The following TNIK variants were observed in gnomAD, a reference collection of about 807,000 sequenced individuals.
The protein encoded by TNIK is TRAF2 and NCK-interacting protein kinase.
TNIK carries 49 observed loss-of-function variants against 191.3 expected under a neutral mutation model. The observed-to-expected ratio is 0.26, with a 90% CI of 0.20 to 0.32. TNIK has a LOEUF of 0.32. Among genes scored for constraint, TNIK ranks in the 10% least tolerant of loss-of-function variants. The pLI is 1.00. For missense variants in TNIK, 1,155 were observed against 1,702.3 expected (o/e 0.68, Z 5.66); for synonymous variants, 594 against 600.9 (o/e 0.99, Z 0.17).
At chr3:171,098,844 A>G (rs910890135) in intron 22 of TNIK, among the ~76,000 whole-genome samples, 9 of 152,356 alleles carry the variant, frequency 5.9e-5, no homozygotes, top group East Asian at 5.8e-4. Flanking sequence ...GCATGCAATC[A>G]TCACATTGTA....
chr3:171,060,141 C>A lies in TNIK; in HGVS notation c.*3740G>T, dbSNP rs1037300538. ...CACACTGTTAACACAAAGAGCTCTTCCACGTTTCAAGAATACAGTGACGGG... is the reference window on the plus strand; with the variant it reads ...CACACTGTTAACACAAAGAGCTCTTACACGTTTCAAGAATACAGTGACGGG... On this transcript the variant is annotated 3_prime_UTR_variant, in exon 33 of 33. Transcript: ENST00000436636. 2.5e-3 allele frequency among the ~76,000 whole-genome samples: 387 copies of A among 152,282 alleles called. 5 individuals carry two copies. The highest frequency in any genetic ancestry group is 5.6e-4 in the Non-Finnish European group (38 of 68,018).
At chr3:171,194,500 G>C (rs1378732920) in intron 5 of TNIK, 25 bp downstream of exon 5, 1 of 1,596,290 alleles carries the variant, frequency 6.3e-7, no homozygotes, top group Non-Finnish European at 8.6e-7. Flanking sequence ...TTTGGGAGGT[G>C]GGCCAGTCCC....
intron 12 of TNIK, among the ~76,000 whole-genome samples, chr3:171,145,836 A>G (rs1251352644): frequency 2.0e-5 from 3 of 151,642 alleles, no homozygotes; most frequent in Non-Finnish European, 4.4e-5. Context: ...ATAAGCAGAA[A>G]AGTACGCACC....
At chr3:171,208,320 C>G (rs762206167) in intron 4 of TNIK, among the ~76,000 whole-genome samples, 4 of 150,432 alleles carry the variant, frequency 2.7e-5, no homozygotes, top group Non-Finnish European at 5.9e-5. Flanking sequence ...GACCCTGTCT[C>G]TAAAAAAAAT....
intron 4 of TNIK, among the ~76,000 whole-genome samples, chr3:171,204,627 T>C (rs1739839064): frequency 6.6e-6 from 1 of 152,210 alleles, no homozygotes; most frequent in Admixed American, 6.5e-5. Context: ...CCAAAGCACC[T>C]AACGCACTTT....
chr3:171,394,057 A>G (rs1177758709), intron 1 of TNIK, among the ~76,000 whole-genome samples: 3 of 152,224 alleles, frequency 2.0e-5, no homozygotes, highest in African/African-American at 7.2e-5. Context: ...TCAAATGAGT[A>G]CAGCCATCTT....
intron 2 of TNIK, among the ~76,000 whole-genome samples, chr3:171,329,099 C>T (rs1268362159): frequency 6.6e-6 from 1 of 152,148 alleles, no homozygotes; most frequent in East Asian, 1.9e-4. Flanking sequence ...TACACACACA[C>T]ACATACACAC....
At chr3:171,100,706 T>TCCAATAAGAAAAAAA (rs1246837567) in intron 22 of TNIK, among the ~76,000 whole-genome samples, 1 of 104,788 alleles carries the variant, frequency 9.5e-6, no homozygotes, top group Non-Finnish European at 1.8e-5. Context: ...CGGGATCCAC[T>TCCAATAAGAAAAAAA]CCAATAAGAA....
chr3:171,087,464 C>G lies in TNIK; in HGVS notation c.2764G>C (p.Gly922Arg). The G allele has an allele frequency of 6.8e-6, 11 of 1,613,926 alleles. No homozygotes were observed. The Middle Eastern group carries it at 1.8e-3, about 267-fold the overall frequency. The change falls in exon 24 of 33, where the codon GGC (glycine) becomes CGC (arginine). Residue 922 changes from glycine (G) to arginine (R), a missense_variant. Coordinates refer to ENST00000436636, the MANE Select transcript of TNIK (RefSeq NM_015028.4). ...KKRSGHSDSN[G>R]FAGHINLPDL... is the part of the protein sequence containing the mutation. Reference sequence around the variant, plus strand: ...GGGAGGTTGATGTGGCCAGCAAAGCCATTGCTGTCACTGTGGCCAGATCGC... The same window carrying G: ...GGGAGGTTGATGTGGCCAGCAAAGCGATTGCTGTCACTGTGGCCAGATCGC...
At chr3:171,308,699 T>C (rs1753712593) in intron 2 of TNIK, among the ~76,000 whole-genome samples, 1 of 151,860 alleles carries the variant, frequency 6.6e-6, no homozygotes. Flanking sequence ...GGGAGCTTAA[T>C]TGAACAAGCA....
At chr3:171,368,993 A>G (rs1716128875) in intron 2 of TNIK, among the ~76,000 whole-genome samples, 1 of 150,638 alleles carries the variant, frequency 6.6e-6, no homozygotes, top group Admixed American at 6.6e-5. Context: ...TCAACCAGCC[A>G]TTTTTCGTAG....
intron 2 of TNIK, among the ~76,000 whole-genome samples, chr3:171,332,614 G>C (rs1380329505): frequency 6.6e-6 from 1 of 152,316 alleles, no homozygotes; most frequent in East Asian, 1.9e-4. Flanking sequence ...AAAGGTGTGA[G>C]ATGTGTAACT....
intron 1 of TNIK, among the ~76,000 whole-genome samples, chr3:171,376,355 T>A (rs995795209): frequency 6.6e-6 from 1 of 152,196 alleles, no homozygotes; most frequent in African/African-American, 2.4e-5. Flanking sequence ...TCCCCTCTTC[T>A]AAAGCAGTAG....
At chr3:171,420,085 G>A (rs375034311) in intron 1 of TNIK, among the ~76,000 whole-genome samples, 5 of 152,306 alleles carry the variant, frequency 3.3e-5, no homozygotes, top group African/African-American at 1.2e-4. Context: ...GGAGCTGACA[G>A]TCAATATTTG....
At chr3:171,101,327 G>A (rs577582496) in intron 22 of TNIK, 122 bp downstream of exon 22, 91 of 1,155,746 alleles carry the variant, frequency 7.9e-5, no homozygotes, top group Admixed American at 1.0e-4. Context: ...CCCAAGTCCC[G>A]AAAGTCAATT....
intron 4 of TNIK, among the ~76,000 whole-genome samples, chr3:171,194,942 TG>T (rs1738513338): frequency 7.6e-6 from 1 of 132,020 alleles, no homozygotes; most frequent in African/African-American, 2.8e-5. Flanking sequence ...AGAATATCTC[TG>T]TTTTAACTCA....
intron 2 of TNIK, among the ~76,000 whole-genome samples, chr3:171,337,078 AC>A (rs757407416): frequency 3.4e-4 from 52 of 152,176 alleles, no homozygotes; most frequent in Non-Finnish European, 6.6e-4. Flanking sequence ...CCTACTGCCC[AC>A]CCCAGAGCAC....
At chr3:171,274,403 C>T (rs184310078) in intron 2 of TNIK, among the ~76,000 whole-genome samples, 114 of 152,326 alleles carry the variant, frequency 7.5e-4, no homozygotes, top group African/African-American at 2.0e-3. Context: ...GACTGGAAAC[C>T]ACTTCAGAAG....
At chr3:171,374,268 G>A (rs549171276) in intron 1 of TNIK, among the ~76,000 whole-genome samples, 1 of 152,116 alleles carries the variant, frequency 6.6e-6, no homozygotes, top group Non-Finnish European at 1.5e-5. Context: ...ACATGTAAAA[G>A]CCCCTGTAGT....
Sources: gnomAD v4.1 joint callset for allele counts (sites outside exome capture counted in the v4.1 genomes callset) on GRCh38, gnomAD v4.1.1 for gene constraint, MANE v1.5 for transcripts, NCBI Gene and HGNC (gene_info 2026-07-23, HGNC 2026-07-21) for gene names.